Variants in NCOA1 observed in about 807,000 individuals in gnomAD.
NCOA1 encodes nuclear receptor coactivator 1.
Under a neutral mutation model 150.9 loss-of-function variants are expected in NCOA1, and 35 were observed. The ratio of observed to expected loss-of-function variants is 0.23; its 90% CI spans 0.18 to 0.31. The LOEUF (loss-of-function observed/expected upper bound fraction) is 0.31, where lower values mean the gene tolerates loss of function less well. Ranked by LOEUF, NCOA1 falls within the 10% of genes least tolerant of loss-of-function variation. The pLI is 1.00. For missense variants in NCOA1, 1,491 were observed against 1,749.3 expected (o/e 0.85, Z 2.63); for synonymous variants, 590 against 630.0 (o/e 0.94, Z 0.95).
At chr2:24,686,362 G>A (rs1296347639) in intron 8 of NCOA1, among the ~76,000 whole-genome samples, 1 of 152,044 alleles carries the variant, frequency 6.6e-6, no homozygotes, top group African/African-American at 2.4e-5. Flanking sequence ...GGGGGCTTTT[G>A]TTAGTAATTT....
chr2:24,583,326 A>T (rs1414952801), intron 2 of NCOA1, among the ~76,000 whole-genome samples: 3 of 152,162 alleles, frequency 2.0e-5, no homozygotes, highest in African/African-American at 7.2e-5. Context: ...AGTAATCATT[A>T]GGGAAATGAA....
intron 1 of NCOA1, among the ~76,000 whole-genome samples, chr2:24,551,122 G>C (rs2148222048): frequency 6.6e-6 from 1 of 150,434 alleles, no homozygotes; most frequent in Non-Finnish European, 1.5e-5. Context: ...AGCTCTGATA[G>C]TTTTCATTTG....
chr2:24,529,836 A>C (rs925650703), intron 1 of NCOA1, among the ~76,000 whole-genome samples: 2 of 152,236 alleles, frequency 1.3e-5, no homozygotes, highest in African/African-American at 4.8e-5. Context: ...TTTTATAAAA[A>C]AGCAGCCATA....
intron 3 of NCOA1, among the ~76,000 whole-genome samples, chr2:24,635,944 T>C (rs1313084342): frequency 1.3e-5 from 2 of 152,190 alleles, no homozygotes; most frequent in African/African-American, 4.8e-5. Flanking sequence ...ATCCGGTTGA[T>C]AGGAACAATT....
chr2:24,605,253 C>T (rs781092803), intron 3 of NCOA1, among the ~76,000 whole-genome samples: 8 of 152,064 alleles, frequency 5.3e-5, no homozygotes, highest in Non-Finnish European at 1.0e-4. Context: ...AAAATGGCAC[C>T]GACAGACTTG....
intron 1 of NCOA1, among the ~76,000 whole-genome samples, chr2:24,495,815 A>G (rs939667610): frequency 1.3e-5 from 2 of 152,214 alleles, no homozygotes; most frequent in Non-Finnish European, 2.9e-5. Context: ...ACTAAACTTC[A>G]GTTTTTATAT....
At chr2:24,693,183 A>G in intron 9 of NCOA1, 69 bp from the exon 10 acceptor site, 1 of 1,425,806 alleles carries the variant, frequency 7.0e-7, no homozygotes, top group Non-Finnish European at 9.9e-7. Flanking sequence ...AAAACCATTA[A>G]TGGCGAGTGA....
intron 4 of NCOA1, among the ~76,000 whole-genome samples, chr2:24,645,263 G>A (rs989988353): frequency 7.3e-5 from 11 of 151,518 alleles, no homozygotes; most frequent in South Asian, 2.1e-4. Context: ...ATGCTGAGAC[G>A]GGTGAATTAT....
intron 1 of NCOA1, among the ~76,000 whole-genome samples, chr2:24,504,160 A>T (rs1572355539): frequency 6.6e-6 from 1 of 152,214 alleles, no homozygotes; most frequent in Non-Finnish European, 1.5e-5. Context: ...GTTACCGATG[A>T]TACTAGGAGC....
chr2:24,523,880 C>T (rs1270586448), intron 1 of NCOA1, among the ~76,000 whole-genome samples: 2 of 119,554 alleles, frequency 1.7e-5, no homozygotes, highest in African/African-American at 3.1e-5. Flanking sequence ...GAGCCGAGAT[C>T]GTGCCACGGC....
At chr2:24,739,130 A>G (rs1269003479) in intron 17 of NCOA1, among the ~76,000 whole-genome samples, 2 of 151,958 alleles carry the variant, frequency 1.3e-5, no homozygotes, top group East Asian at 3.9e-4. Flanking sequence ...AACTATTAAC[A>G]TGTTTTTTTG....
rs567618029 is a variant in NCOA1 at position 24,558,079 on chromosome 2, C to A, written c.-395-6216C>A. ...TTTTTTGTCTCCATTATTTTTTTTTCTTCTCCTGGGAGTAATAGACATTCT... is the reference window on the plus strand; with the variant it reads ...TTTTTTGTCTCCATTATTTTTTTTTATTCTCCTGGGAGTAATAGACATTCT... On this transcript the variant is annotated intron_variant, in intron 1 of 22. Transcript: ENST00000348332. Among the ~76,000 whole-genome samples the A allele has an allele frequency of 5.3e-5, 8 of 150,580 alleles. No individual in the cohort carries two copies. In the East Asian group the frequency reaches 1.6e-3, roughly 29 times the overall value.
chr2:24,545,910 CT>C (rs1379703095), intron 1 of NCOA1, among the ~76,000 whole-genome samples: 1 of 152,152 alleles, frequency 6.6e-6, no homozygotes, highest in Non-Finnish European at 1.5e-5. Context: ...CTGCCTCAGC[CT>C]TCTGAGTAGG....
intron 1 of NCOA1, among the ~76,000 whole-genome samples, chr2:24,557,523 CTCT>C (rs983580159): frequency 1.8e-4 from 28 of 151,440 alleles, no homozygotes; most frequent in Middle Eastern, 3.4e-3. Context: ...CCTCTTCTTC[CTCT>C]TCTTCTTCTT....
In NCOA1 at chr2:24,739,736, T is replaced by C. The variant is rs569746319; in HGVS notation, c.3303+203T>C. ...ATCTAAAGCAAATGGTGCTTTGTTT[T>C]GTTTTATTGTTATTATTGTCATTGT... is the stretch of plus-strand genomic sequence containing the variant. On this transcript the variant is annotated intron_variant, in intron 18 of 22. Coordinates refer to ENST00000348332, the MANE Select transcript of NCOA1 (RefSeq NM_003743.5). Among the ~76,000 whole-genome samples the C allele has an allele frequency of 8.3e-4, 126 of 152,318 alleles. 1 individual carries two copies. Among genetic ancestry groups the C allele is most frequent in the Non-Finnish European group, 1.4e-3 (95 of 68,000 alleles).
In NCOA1 at chr2:24,572,948, G is replaced by A. The variant is rs146798249; in HGVS notation, c.-260+8518G>A. Among the ~76,000 whole-genome samples the A allele has an allele frequency of 7.0e-3, 1,063 of 152,262 alleles. 12 individuals carry two copies. The highest frequency in any genetic ancestry group is 0.024 in the African/African-American group (1,002 of 41,560). ...ACATATTTTTTTGAATAACAAATGT[G>A]TATGACAAACCCACTCTCGTATCTA... On this transcript the variant is annotated intron_variant, in intron 2 of 22. Transcript: ENST00000348332.
chr2:24,741,729 A>G (rs1663610000), intron 18 of NCOA1, 55 bp from the exon 19 acceptor site: 2 of 1,528,362 alleles, frequency 1.3e-6, no homozygotes, highest in Non-Finnish European at 1.8e-6. Context: ...TGAACTTTCC[A>G]GGATAGATAG....
intron 8 of NCOA1, among the ~76,000 whole-genome samples, chr2:24,689,713 G>A (rs1042382498): frequency 1.3e-5 from 2 of 152,032 alleles, no homozygotes; most frequent in African/African-American, 4.8e-5. Context: ...TTTATCATAG[G>A]GTCTATTTAC....
chr2:24,497,333 C>A (rs1168348036), intron 1 of NCOA1, among the ~76,000 whole-genome samples: 1 of 151,386 alleles, frequency 6.6e-6, no homozygotes, highest in African/African-American at 2.4e-5. Flanking sequence ...TTGTTCCTTT[C>A]TGATGACCCG....
Sources: gnomAD v4.1 joint callset for allele counts (sites outside exome capture counted in the v4.1 genomes callset) on GRCh38, gnomAD v4.1.1 for gene constraint, MANE v1.5 for transcripts, NCBI Gene and HGNC (gene_info 2026-07-23, HGNC 2026-07-21) for gene names.